The following CRLF3 variants were observed in gnomAD, a reference collection of about 807,000 sequenced individuals.
The protein encoded by CRLF3 is cytokine receptor like factor 3.
CRLF3 carries 33 observed loss-of-function variants against 55.0 expected under a neutral mutation model. The observed-to-expected ratio is 0.60, with a 90% CI of 0.46 to 0.80. The LOEUF is 0.80. Ranked by LOEUF, CRLF3 falls within the 30% of genes least tolerant of loss-of-function variation. The pLI, the probability that CRLF3 is intolerant of heterozygous loss-of-function variation, is 0.00. For missense variants in CRLF3, 494 were observed against 538.4 expected (o/e 0.92, Z 0.82); for synonymous variants, 238 against 196.8 (o/e 1.21, Z -1.75).
In CRLF3 at chr17:30,783,737, A is replaced by G. The variant is rs1012074471; in HGVS notation, c.*450T>C. 1.9e-5 allele frequency: 3 copies of G among 154,052 alleles called. No individual in the cohort carries two copies. The highest frequency in any genetic ancestry group is 6.4e-5 in the Admixed American group (1 of 15,518). 9.5% of individuals were successfully genotyped at this position (154,052 alleles called of 1,614,324 possible). A position where few individuals can be genotyped will look rare whatever the true frequency, so the allele number is the denominator to read the frequency against. ...GAGCACAGTCAACACATTCATGTGG[A>G]CAGCACATGAACGGATGTATTAATA... On this transcript the variant is annotated 3_prime_UTR_variant, in exon 8 of 8. Coordinates refer to ENST00000324238, the MANE Select transcript of CRLF3 (RefSeq NM_015986.4).
intron 2 of CRLF3, among the ~76,000 whole-genome samples, chr17:30,800,370 T>C (rs1971988041): frequency 6.6e-6 from 1 of 152,166 alleles, no homozygotes; most frequent in Non-Finnish European, 1.5e-5. Context: ...CATACCCGTA[T>C]TTCCATCTTA....
intron 1 of CRLF3, among the ~76,000 whole-genome samples, chr17:30,807,118 G>A (rs145764304): frequency 6.6e-6 from 1 of 151,910 alleles, no homozygotes; most frequent in African/African-American, 2.4e-5. Context: ...TCGCTTAATG[G>A]GAAAATTCTA....
chr17:30,807,517 C>CTTTTTTTTTTTTTTT (rs778842582), intron 1 of CRLF3, among the ~76,000 whole-genome samples: 1 of 62,972 alleles, frequency 1.6e-5, no homozygotes, highest in Non-Finnish European at 2.9e-5. Context: ...ATTTTCTTTC[C>CTTTTTTTTTTTTTTT]TTTTTTTTTT....
At chr17:30,818,982 A>AT (rs895685308) in intron 1 of CRLF3, among the ~76,000 whole-genome samples, 8 of 151,028 alleles carry the variant, frequency 5.3e-5, no homozygotes, top group South Asian at 2.1e-4. Flanking sequence ...CACCTGGCTA[A>AT]TTTTTTTTAC....
chr17:30,791,400 T>C (rs1287194510), intron 6 of CRLF3, among the ~76,000 whole-genome samples: 3 of 151,514 alleles, frequency 2.0e-5, no homozygotes, highest in African/African-American at 7.3e-5. Context: ...AAAGATGGGG[T>C]TTTACCAGGT....
Position 30,783,126 on chromosome 17 carries a change from T to G in CRLF3, c.*1061A>C, listed in dbSNP as rs1971538402. The G allele has an allele frequency of 6.6e-6, 1 of 152,130 alleles. No homozygotes were observed. The highest frequency in any genetic ancestry group is 1.5e-5 in the Non-Finnish European group (1 of 68,032). 9.4% of individuals were successfully genotyped at this position (152,130 alleles called of 1,614,324 possible). A position where few individuals can be genotyped will look rare whatever the true frequency, so the allele number is the denominator to read the frequency against. On this transcript the variant is annotated 3_prime_UTR_variant, in exon 8 of 8. Transcript: ENST00000324238. The stretch of plus-strand genomic sequence containing the variant: ...ACTGCAGCTCATTCTCTGCAAAGAG[T>G]AAAATGCATGTCACAGGCAGATTGG...
At chr17:30,796,681 T>C (rs1262155263) in intron 3 of CRLF3, among the ~76,000 whole-genome samples, 1 of 151,800 alleles carries the variant, frequency 6.6e-6, no homozygotes, top group Non-Finnish European at 1.5e-5. Flanking sequence ...AGGATTATAA[T>C]CACAACTATT....
chr17:30,784,757 A>C, intron 7 of CRLF3: 1 of 223,282 alleles, frequency 4.5e-6, no homozygotes. Context: ...TCACCAACAC[A>C]ATTTTTTTTT....
In CRLF3 at chr17:30,788,652, G is replaced by A. The variant is rs897646196; in HGVS notation, c.960-2621C>T. ...AGACAGCATCTCACTCTGTTGCCCC[G>A]GCTAGAGTACAGTGGCGTGATCTCG... On this transcript the variant is annotated intron_variant, in intron 6 of 7. Coordinates refer to ENST00000324238, the MANE Select transcript of CRLF3 (RefSeq NM_015986.4). Among the ~76,000 whole-genome samples the A allele has an allele frequency of 8.0e-5, 10 of 124,714 alleles. No homozygotes were observed. The East Asian group carries it at 1.3e-3, about 16-fold the overall frequency. The allele number at this position is 124,714 out of a possible 152,430, so 81.8% of individuals were successfully genotyped here.
chr17:30,789,248 T>TA (rs1165703221), intron 6 of CRLF3, among the ~76,000 whole-genome samples: 3 of 152,170 alleles, frequency 2.0e-5, no homozygotes, highest in Non-Finnish European at 4.4e-5. Flanking sequence ...ACTCAACAGT[T>TA]TATTGAGACC....
At position 30,796,347 on chromosome 17, in the gene CRLF3, C is replaced by G; in HGVS notation, c.426-10G>C. Reference sequence around the variant, plus strand: ...AGGTACTTCTGGTAAGCTGAGGAAACAAAGCTCATGTGTTATGAGACCTCT... The same window carrying G: ...AGGTACTTCTGGTAAGCTGAGGAAAGAAAGCTCATGTGTTATGAGACCTCT... On this transcript the variant is annotated splice_polypyrimidine_tract_variant and intron_variant, in intron 3 of 7. Coordinates refer to ENST00000324238, the MANE Select transcript of CRLF3 (RefSeq NM_015986.4). 1 of 1,610,008 alleles carries G rather than the reference C, an allele frequency of 6.2e-7. No homozygotes were observed. The highest frequency in any genetic ancestry group is 8.5e-7 in the Non-Finnish European group (1 of 1,177,612).
At chr17:30,787,641 A>G (rs540620641) in intron 6 of CRLF3, 1 of 152,316 alleles carries the variant, frequency 6.6e-6, no homozygotes, top group East Asian at 1.9e-4. Context: ...AATAGCAAAC[A>G]TGCAGGATCA....
chr17:30,787,432 A>T (rs1250935621), intron 6 of CRLF3: 5 of 152,108 alleles, frequency 3.3e-5, no homozygotes, highest in African/African-American at 1.2e-4. Context: ...TTGTGTTTTC[A>T]TTTCAGATGT....
intron 5 of CRLF3, 146 bp downstream of exon 5, chr17:30,793,304 C>G (rs1971853115): frequency 1.7e-6 from 1 of 603,852 alleles, no homozygotes; most frequent in East Asian, 2.8e-5. Context: ...ATGAGGTAAT[C>G]TGAGTAAAAG....
At chr17:30,813,544 T>G (rs2142270240) in intron 1 of CRLF3, among the ~76,000 whole-genome samples, 1 of 152,182 alleles carries the variant, frequency 6.6e-6, no homozygotes, top group South Asian at 2.1e-4. Context: ...AACAATAATA[T>G]TTAGTATTAT....
chr17:30,787,462 GAAATA>G (rs1971674308), intron 6 of CRLF3: 1 of 151,326 alleles, frequency 6.6e-6, no homozygotes. Flanking sequence ...GTGTGCTCTT[GAAATA>G]GGAAATGTAC....
At chr17:30,789,282 C>T (rs529176950) in intron 6 of CRLF3, among the ~76,000 whole-genome samples, 5 of 152,162 alleles carry the variant, frequency 3.3e-5, no homozygotes, top group Non-Finnish European at 7.3e-5. Flanking sequence ...ACATCACGGT[C>T]AGCAGAGGTG....
In CRLF3 at chr17:30,824,511, T is replaced by G. The variant is rs1905084715; in HGVS notation, c.129+12A>C. 5 of 1,581,804 alleles carry G rather than the reference T, an allele frequency of 3.2e-6. No homozygotes were observed. In the Admixed American group the frequency reaches 8.6e-5, roughly 27 times the overall value. ...CGGGCCCACAGCGCCCCTGTGGGTG[T>G]GGCCCTCCGACCTGCCTCCGCGCCT... On this transcript the variant is annotated intron_variant, in intron 1 of 7. Transcript: ENST00000324238.
At chr17:30,808,368 A>C (rs1904492282) in intron 1 of CRLF3, among the ~76,000 whole-genome samples, 1 of 138,502 alleles carries the variant, frequency 7.2e-6, no homozygotes, top group Non-Finnish European at 1.5e-5. Context: ...GCTCACTGCA[A>C]CCTCCACCTC....
Sources: gnomAD v4.1 joint callset for allele counts (sites outside exome capture counted in the v4.1 genomes callset) on GRCh38, gnomAD v4.1.1 for gene constraint, MANE v1.5 for transcripts, NCBI Gene and HGNC (gene_info 2026-07-23, HGNC 2026-07-21) for gene names.